The following NUP98 variants were observed in gnomAD, a reference collection of about 807,000 sequenced individuals.
The protein encoded by NUP98 is nucleoporin 98 and 96 precursor, also known as nuclear pore complex protein Nup98-Nup96.
NUP98 carries 26 observed loss-of-function variants against 191.9 expected under a neutral mutation model. That is an observed-to-expected ratio of 0.14 (90% CI 0.10 to 0.19). NUP98 has a LOEUF of 0.19. NUP98 is among the 10% of genes least tolerant of loss of function. The probability of loss-of-function intolerance (pLI) is 1.00; values close to 1 mark genes in which losing one functional copy is unlikely to be tolerated. For synonymous variants in NUP98, 808 were observed against 778.4 expected (o/e 1.04, Z -0.63); for missense variants, 1,941 against 2,178.8 (o/e 0.89, Z 2.17).
intron 17 of NUP98, 141 bp downstream of exon 17, chr11:3,720,571 A>G: frequency 4.3e-6 from 2 of 463,574 alleles, no homozygotes; most frequent in Non-Finnish European, 3.9e-6. Flanking sequence ...TTTGTTACTT[A>G]TCAATCAAAG....
At chr11:3,711,601 TA>T (rs911062784) in intron 20 of NUP98, 3 of 160,470 alleles carry the variant, frequency 1.9e-5, no homozygotes, top group African/African-American at 7.2e-5. Context: ...TATAAGGTTA[TA>T]AAAAATTAGG....
At chr11:3,689,388 G>T (rs531836017) in intron 28 of NUP98, among the ~76,000 whole-genome samples, 1 of 151,934 alleles carries the variant, frequency 6.6e-6, no homozygotes, top group South Asian at 2.1e-4. Context: ...TTAGCTGGGC[G>T]TGGTGGTGGG....
At chr11:3,794,309 CTGTTT>C (rs1053140365) in intron 1 of NUP98, among the ~76,000 whole-genome samples, 3 of 152,070 alleles carry the variant, frequency 2.0e-5, no homozygotes, top group South Asian at 2.1e-4. Context: ...CTAATACATA[CTGTTT>C]TGTTTTGTTT....
At chr11:3,781,837 CAGA>C (rs1241763242) in intron 2 of NUP98, among the ~76,000 whole-genome samples, 6 of 152,060 alleles carry the variant, frequency 3.9e-5, no homozygotes, top group African/African-American at 7.2e-5. Context: ...TACTGACAAT[CAGA>C]AGAAGGCCAT....
At chr11:3,755,032 CCA>C (rs2080910812) in intron 10 of NUP98, among the ~76,000 whole-genome samples, 1 of 151,432 alleles carries the variant, frequency 6.6e-6, no homozygotes, top group East Asian at 1.9e-4. Context: ...TCATCTATGC[CCA>C]CAGTTTCATT....
chr11:3,704,162 T>G (rs927312284), intron 22 of NUP98, among the ~76,000 whole-genome samples: 31 of 152,346 alleles, frequency 2.0e-4, no homozygotes, highest in African/African-American at 7.0e-4. Context: ...TTCTTTCCTC[T>G]ATACCAAAGG....
At chr11:3,719,046 G>C (rs1039197716) in intron 18 of NUP98, among the ~76,000 whole-genome samples, 2 of 151,982 alleles carry the variant, frequency 1.3e-5, no homozygotes, top group East Asian at 3.9e-4. Context: ...CTTGAACCCG[G>C]GAGTCGGAGG....
chr11:3,762,572 G>T (rs2081210302), intron 9 of NUP98, among the ~76,000 whole-genome samples: 2 of 151,946 alleles, frequency 1.3e-5, no homozygotes, highest in South Asian at 4.2e-4. Context: ...GAAGAACTAG[G>T]AGTTAAAAAT....
chr11:3,757,119 C>A (rs1484997027), intron 10 of NUP98, among the ~76,000 whole-genome samples: 2 of 112,954 alleles, frequency 1.8e-5, no homozygotes, highest in East Asian at 2.2e-4. Context: ...ATCTATATAT[C>A]TATATCTATA....
chr11:3,720,975 AGTGTGTGTGTGT>A (rs55984201), intron 16 of NUP98, 150 bp from the exon 17 acceptor site: 4 of 324,496 alleles, frequency 1.2e-5, no homozygotes, highest in East Asian at 1.1e-4. Context: ...GGGGTGTGTG[AGTGTGTGTGTGT>A]GTGTGTGTGT....
intron 29 of NUP98, among the ~76,000 whole-genome samples, chr11:3,685,215 C>T (rs1219797545): frequency 2.0e-5 from 3 of 149,482 alleles, no homozygotes; most frequent in African/African-American, 7.4e-5. Flanking sequence ...CAAAAATCTC[C>T]GGCCTTATCT....
intron 18 of NUP98, among the ~76,000 whole-genome samples, chr11:3,714,597 A>G (rs1045965624): frequency 6.6e-6 from 1 of 151,898 alleles, no homozygotes; most frequent in East Asian, 1.9e-4. Context: ...GGCAAATACT[A>G]CTCTACTTTG....
At chr11:3,695,384 A>G (rs771818840) in intron 26 of NUP98, 65 bp downstream of exon 26, 214 of 1,379,524 alleles carry the variant, frequency 1.6e-4, no homozygotes, top group Non-Finnish European at 2.0e-4. Context: ...CCTTGCCTCA[A>G]CCTCAAACCA....
Position 3,689,309 on chromosome 11 carries a change from G to A in NUP98, c.4454+2038C>T, listed in dbSNP as rs139945780. ...TGGGAGGCTGAGGTGGGCAGATCAC[G>A]AGGTCAGGAGATCGAGACCATCTTG... On this transcript the variant is annotated intron_variant, in intron 28 of 32. Coordinates refer to ENST00000324932, the MANE Select transcript of NUP98 (RefSeq NM_016320.5). 5.5e-3 allele frequency among the ~76,000 whole-genome samples: 844 copies of A among 152,164 alleles called. 7 individuals are homozygous for A. The highest frequency in any genetic ancestry group is 0.017 in the African/African-American group (710 of 41,528).
At position 3,695,450 on chromosome 11, in the gene NUP98, G is replaced by A. The variant is rs768927481; in HGVS notation, c.4166C>T (p.Pro1389Leu). Residue 1389 changes from proline to leucine, a missense_variant and splice_region_variant, in exon 26 of 33, where the codon CCG becomes CTG. Transcript: ENST00000324932. ...LRIFALLAGKPVWQLSEKKQI... is the reference protein window; with the variant it reads ...LRIFALLAGKLVWQLSEKKQI... Reference sequence around the variant, plus strand: ...TATTATGGTAAAAGTAGAAGATACCGGTTTTCCAGCCAACAGAGCAAAGAT... The same window carrying A: ...TATTATGGTAAAAGTAGAAGATACCAGTTTTCCAGCCAACAGAGCAAAGAT... 26 of 1,535,428 alleles carry A rather than the reference G, an allele frequency of 1.7e-5. No homozygotes were observed. The highest frequency in any genetic ancestry group is 4.2e-5 in the African/African-American group (3 of 71,602).
At chr11:3,745,794 A>T (rs1218370445) in intron 11 of NUP98, among the ~76,000 whole-genome samples, 2 of 152,160 alleles carry the variant, frequency 1.3e-5, no homozygotes, top group Non-Finnish European at 2.9e-5. Flanking sequence ...CTTGAAACAA[A>T]TACCGTTTAC....
chr11:3,764,354 A>G (rs1426596876), intron 8 of NUP98, among the ~76,000 whole-genome samples: 1 of 152,226 alleles, frequency 6.6e-6, no homozygotes, highest in Non-Finnish European at 1.5e-5. Context: ...CATTGTTAAT[A>G]GATCTTTAGG....
chr11:3,768,751 G>GA lies in NUP98; in HGVS notation c.785-8_785-7insT. The stretch of plus-strand genomic sequence containing the variant: ...GTTCCAAATCCAGTTGTACCTTTTA[G>GA]GAAAAAGAAAAAAAAAAGAAAAAAG... On this transcript the variant is annotated splice_region_variant and splice_polypyrimidine_tract_variant and intron_variant, in intron 7 of 32. Coordinates refer to ENST00000324932, the MANE Select transcript of NUP98 (RefSeq NM_016320.5). 1 of 1,469,708 alleles carries GA rather than the reference G, an allele frequency of 6.8e-7. No individual in the cohort carries two copies. The highest frequency in any genetic ancestry group is 1.4e-5 in the South Asian group (1 of 69,770). The allele number at this position is 1,469,708 out of a possible 1,614,324, so 91.0% of individuals were successfully genotyped here.
chr11:3,739,312 C>A (rs550491315), intron 12 of NUP98, among the ~76,000 whole-genome samples: 1 of 152,124 alleles, frequency 6.6e-6, no homozygotes, highest in Non-Finnish European at 1.5e-5. Context: ...CGCAGTAGCG[C>A]GATCTCGGCT....
Sources: allele counts gnomAD v4.1 joint callset (sites outside exome capture counted in the v4.1 genomes callset), GRCh38; gene constraint gnomAD v4.1.1; transcripts MANE v1.5; gene names NCBI Gene and HGNC (gene_info 2026-07-23, HGNC 2026-07-21).